The following ELAPOR2 variants were observed in gnomAD, a reference collection of about 807,000 sequenced individuals.
The protein encoded by ELAPOR2 is endosome/lysosome-associated apoptosis and autophagy regulator family member 2.
In ELAPOR2, 89 loss-of-function variants were observed where a neutral mutation model predicts 120.7. The ratio of observed to expected loss-of-function variants is 0.74; its 90% CI spans 0.62 to 0.88. ELAPOR2 has a LOEUF of 0.88. Ranked by LOEUF, ELAPOR2 falls within the 40% of genes least tolerant of loss-of-function variation. ELAPOR2 has a pLI of 0.00. For missense variants in ELAPOR2, 1,134 were observed against 1,251.6 expected (o/e 0.91, Z 1.42); for synonymous variants, 444 against 444.9 (o/e 1.00, Z 0.03).
chr7:86,905,154 GAGAAAGAGAGAAAGAA>G (rs1202112460), intron 18 of ELAPOR2, among the ~76,000 whole-genome samples: 2 of 147,786 alleles, frequency 1.4e-5, no homozygotes, highest in African/African-American at 2.5e-5. Flanking sequence ...AGAAAGAAGA[GAGAAAGAGAGAAAGAA>G]AGAAAGAGAG....
chr7:86,990,318 G>A (rs1792901675), intron 1 of ELAPOR2, among the ~76,000 whole-genome samples: 1 of 151,634 alleles, frequency 6.6e-6, no homozygotes, highest in South Asian at 2.1e-4. Flanking sequence ...AAAGTGCTGG[G>A]ATTACAGGCA....
intron 1 of ELAPOR2, among the ~76,000 whole-genome samples, chr7:87,027,346 A>G (rs567986824): frequency 1.3e-5 from 2 of 152,164 alleles, no homozygotes; most frequent in African/African-American, 4.8e-5. Context: ...ATCATTTCAA[A>G]TGACACATAC....
At chr7:86,943,302 A>T (rs1159447919) in intron 4 of ELAPOR2, among the ~76,000 whole-genome samples, 1 of 27,592 alleles carries the variant, frequency 3.6e-5, no homozygotes, top group African/African-American at 7.0e-4. Flanking sequence ...ATCATCATTT[A>T]AAAAAAAAAA....
At position 86,913,214 on chromosome 7, in the gene ELAPOR2, A is replaced by AG; in HGVS notation, c.1732-11dup. ...TGATGAACCGTCTATTCTAAAAAAA[A>AG]GAGCATAAAGTAATGACTTCTGCCT... is the stretch of plus-strand genomic sequence containing the variant. On this transcript the variant is annotated splice_polypyrimidine_tract_variant and intron_variant, in intron 13 of 21. Transcript: ENST00000450689. The AG allele has an allele frequency of 6.2e-7, 1 of 1,611,294 alleles. No individual in the cohort carries two copies. The highest frequency in any genetic ancestry group is 8.5e-7 in the Non-Finnish European group (1 of 1,177,910).
chr7:87,049,312 C>T (rs113629637), intron 1 of ELAPOR2, among the ~76,000 whole-genome samples: 4,278 of 151,660 alleles, frequency 0.028, 211 homozygotes, highest in African/African-American at 0.095. Flanking sequence ...GACCGAGCCT[C>T]GCTCTGTCGC....
At position 86,919,305 on chromosome 7, in the gene ELAPOR2, C is replaced by G; in HGVS notation, c.1405G>C (p.Glu469Gln). The change falls in exon 11 of 22, where the codon GAG (glutamate) becomes CAG (glutamine). Residue 469 changes from glutamate (E) to glutamine (Q), a missense_variant. This residue lies in a region of ELAPOR2 where 831 missense variants were observed against 867.6 expected (regional missense o/e 0.96). Coordinates refer to ENST00000450689, the MANE Select transcript of ELAPOR2 (RefSeq NM_001142749.3). Reference sequence around the variant, plus strand: ...CTCTGGATATGATCTCCAGCCACCTCCCAACCTAGAAGTAATAAAAGTCAT... The same window carrying G: ...CTCTGGATATGATCTCCAGCCACCTGCCAACCTAGAAGTAATAAAAGTCAT... ...NSKCDGMNGW[E>Q]VAGDHIQSGA... 6.2e-7 allele frequency: 1 copy of G among 1,602,530 alleles called. No homozygotes were observed. Among genetic ancestry groups the G allele is most frequent in the Non-Finnish European group, 8.5e-7 (1 of 1,172,608 alleles).
chr7:86,920,236 C>G (rs1490537056), intron 10 of ELAPOR2, among the ~76,000 whole-genome samples: 1 of 152,106 alleles, frequency 6.6e-6, no homozygotes, highest in Non-Finnish European at 1.5e-5. Flanking sequence ...ATGTACTAAT[C>G]TACATACTTA....
At chr7:86,880,586 G>A in intron 21 of ELAPOR2, 56 bp from the exon 22 acceptor site, 2 of 1,092,034 alleles carry the variant, frequency 1.8e-6, no homozygotes, top group Non-Finnish European at 2.8e-6. Context: ...TAAGATTTTA[G>A]GATCTTACAT....
chr7:87,005,692 A>G (rs1793449266), intron 1 of ELAPOR2, among the ~76,000 whole-genome samples: 2 of 152,160 alleles, frequency 1.3e-5, no homozygotes, highest in Admixed American at 1.3e-4. Flanking sequence ...TTCTCAACAA[A>G]TGGTGTTGGA....
chr7:86,973,835 C>G (rs960319701), intron 1 of ELAPOR2, among the ~76,000 whole-genome samples: 2 of 152,100 alleles, frequency 1.3e-5, no homozygotes, highest in Non-Finnish European at 2.9e-5. Context: ...AGAGGAGGAC[C>G]CTCTATAGTA....
intron 1 of ELAPOR2, among the ~76,000 whole-genome samples, chr7:87,047,317 A>G (rs1016914857): frequency 2.0e-5 from 3 of 152,252 alleles, no homozygotes; most frequent in African/African-American, 7.2e-5. Flanking sequence ...ACAGACAACC[A>G]AAGCAAAAAT....
In ELAPOR2 at chr7:86,947,839, T is replaced by C. The variant is rs1202961207; in HGVS notation, c.394A>G (p.Ser132Gly). Residue 132 changes from serine to glycine, a missense_variant, in exon 3 of 22, where the codon AGT becomes GGT. Ser to Gly is a moderately conservative substitution (Grantham distance 56). Coordinates refer to ENST00000450689, the MANE Select transcript of ELAPOR2 (RefSeq NM_001142749.3). Reference protein sequence around the residue: ...KCGEGTYSLGSGIKFDEWDEL... With the variant: ...KCGEGTYSLGGGIKFDEWDEL... ...TCCCATTCATCAAATTTGATGCCAC[T>C]GCCCAAGGAATAGGTGCCTTCACCA... is the stretch of plus-strand genomic sequence containing the variant. 1.3e-6 allele frequency: 2 copies of C among 1,551,960 alleles called. No individual in the cohort carries two copies. Among genetic ancestry groups the C allele is most frequent in the African/African-American group, 2.7e-5 (2 of 73,038 alleles).
At chr7:86,892,003 C>T (rs1788190094) in intron 20 of ELAPOR2, 114 bp from the exon 21 acceptor site, 1 of 664,640 alleles carries the variant, frequency 1.5e-6, no homozygotes, top group Admixed American at 3.2e-5. Flanking sequence ...AGTATAATTG[C>T]TCCACCAACA....
chr7:87,042,022 A>G (rs1344681160), intron 1 of ELAPOR2, among the ~76,000 whole-genome samples: 4 of 151,256 alleles, frequency 2.6e-5, no homozygotes, highest in African/African-American at 9.8e-5. Flanking sequence ...GAAGGCCATT[A>G]CATAATGGTA....
chr7:87,056,539 G>A (rs960019815), intron 1 of ELAPOR2, among the ~76,000 whole-genome samples: 7 of 152,156 alleles, frequency 4.6e-5, no homozygotes, highest in Middle Eastern at 3.2e-3. Context: ...GTTTGTGCGT[G>A]TGCTTCCACA....
Position 87,017,492 on chromosome 7 carries a change from T to C in ELAPOR2, c.189+41833A>G, listed in dbSNP as rs191081433. ...TATTAAATGCGAATGAATGCATACA[T>C]ATGAAAGGGGAATGAATATATGCTA... On this transcript the variant is annotated intron_variant, in intron 1 of 21. Coordinates refer to ENST00000450689, the MANE Select transcript of ELAPOR2 (RefSeq NM_001142749.3). 4.6e-5 allele frequency among the ~76,000 whole-genome samples: 7 copies of C among 152,322 alleles called. No homozygotes were observed. The East Asian group carries it at 1.3e-3, about 29-fold the overall frequency.
chr7:86,951,650 T>G (rs78488767), intron 2 of ELAPOR2, among the ~76,000 whole-genome samples: 2,922 of 152,352 alleles, frequency 0.019, 83 homozygotes, highest in East Asian at 0.14. Flanking sequence ...TTGTGTTATA[T>G]GAATTTACCC....
At chr7:86,992,559 T>A (rs1792979175) in intron 1 of ELAPOR2, among the ~76,000 whole-genome samples, 1 of 152,228 alleles carries the variant, frequency 6.6e-6, no homozygotes, top group African/African-American at 2.4e-5. Flanking sequence ...TCAGTCGAGA[T>A]CAAATCCAAA....
At chr7:86,885,172 G>C (rs1181863861) in intron 21 of ELAPOR2, among the ~76,000 whole-genome samples, 2 of 152,136 alleles carry the variant, frequency 1.3e-5, no homozygotes, top group African/African-American at 2.4e-5. Flanking sequence ...ATTAACAATA[G>C]CAAGAAATAC....
Sources: gnomAD v4.1 joint callset for allele counts (sites outside exome capture counted in the v4.1 genomes callset) on GRCh38, gnomAD v4.1.1 for gene constraint, gnomAD v4.1.1 regional missense constraint, MANE v1.5 for transcripts, NCBI Gene and HGNC (gene_info 2026-07-23, HGNC 2026-07-21) for gene names.